Variants in KAZN observed in about 807,000 individuals in gnomAD.
KAZN encodes the protein kazrin.
KAZN carries 40 observed loss-of-function variants against 87.4 expected under a neutral mutation model. That is an observed-to-expected ratio of 0.46 (90% CI 0.36 to 0.60). KAZN has a LOEUF of 0.60. Ranked by LOEUF, KAZN falls within the 20% of genes least tolerant of loss-of-function variation. The probability of loss-of-function intolerance (pLI) is 0.00; values close to 1 mark genes in which losing one functional copy is unlikely to be tolerated. For synonymous variants in KAZN, 466 were observed against 458.3 expected, an observed-to-expected ratio of 1.02 and a Z score of -0.22; for missense variants, 898 against 1,073.9, an observed-to-expected ratio of 0.84 and a Z score of 2.29.
chr1:14,218,950 C>T (rs1335697414), intron 2 of KAZN, among the ~76,000 whole-genome samples: 2 of 152,052 alleles, frequency 1.3e-5, no homozygotes, highest in Non-Finnish European at 2.9e-5. Flanking sequence ...CATCACATGG[C>T]TGTGATAGAA....
chr1:14,378,670 G>A (rs1156741674), intron 2 of KAZN, among the ~76,000 whole-genome samples: 1 of 152,212 alleles, frequency 6.6e-6, no homozygotes, highest in Non-Finnish European at 1.5e-5. Flanking sequence ...CTCAGCAGAT[G>A]CCTGCCCGCA....
chr1:14,316,510 A>G (rs1037212548), intron 2 of KAZN, among the ~76,000 whole-genome samples: 1 of 151,782 alleles, frequency 6.6e-6, no homozygotes, highest in Non-Finnish European at 1.5e-5. Flanking sequence ...TTAAAGTTTG[A>G]TTTAATTGAT....
chr1:14,683,560 T>C (rs1190554650), intron 1 of KAZN, among the ~76,000 whole-genome samples: 1 of 152,198 alleles, frequency 6.6e-6, no homozygotes, highest in East Asian at 1.9e-4. Context: ...CTGAATGCAG[T>C]CAATGAATAA....
At chr1:14,958,496 T>A (rs1455440133) in intron 1 of KAZN, among the ~76,000 whole-genome samples, 1 of 151,754 alleles carries the variant, frequency 6.6e-6, no homozygotes, top group Non-Finnish European at 1.5e-5. Context: ...ATGGAGCACT[T>A]CCTTTATGAG....
chr1:14,670,515 A>C (rs900430363), intron 1 of KAZN, among the ~76,000 whole-genome samples: 7 of 152,206 alleles, frequency 4.6e-5, no homozygotes, highest in African/African-American at 1.7e-4. Flanking sequence ...GATAGTATGC[A>C]TCAGAGTTAC....
intron 2 of KAZN, among the ~76,000 whole-genome samples, chr1:14,501,778 G>A (rs537690026): frequency 6.6e-6 from 1 of 152,268 alleles, no homozygotes; most frequent in East Asian, 1.9e-4. Flanking sequence ...ATCAATCTAA[G>A]CAATGGAAGA....
At chr1:14,748,402 G>A (rs1201351875) in intron 1 of KAZN, among the ~76,000 whole-genome samples, 2 of 152,294 alleles carry the variant, frequency 1.3e-5, no homozygotes, top group East Asian at 3.9e-4. Context: ...CCTGGGTTAA[G>A]CCACTCACTA....
At chr1:14,248,228 A>T (rs1450831266) in intron 2 of KAZN, among the ~76,000 whole-genome samples, 1 of 152,240 alleles carries the variant, frequency 6.6e-6, no homozygotes, top group Middle Eastern at 3.2e-3. Flanking sequence ...AATTCCAGAC[A>T]GGAGACATGG....
intron 1 of KAZN, among the ~76,000 whole-genome samples, chr1:14,001,061 C>T (rs1183234947): frequency 6.6e-6 from 1 of 152,048 alleles, no homozygotes; most frequent in African/African-American, 2.4e-5. Flanking sequence ...GGATTACAGG[C>T]GTGAGCCACC....
intron 1 of KAZN, among the ~76,000 whole-genome samples, chr1:14,106,553 A>G (rs985842493): frequency 5.3e-5 from 8 of 152,054 alleles, no homozygotes; most frequent in African/African-American, 1.4e-4. Context: ...TCAGCTCCCA[A>G]GTGGCCTCTT....
intron 1 of KAZN, among the ~76,000 whole-genome samples, chr1:14,695,332 C>G (rs1641534451): frequency 6.6e-6 from 1 of 151,954 alleles, no homozygotes; most frequent in South Asian, 2.1e-4. Context: ...TTAAAATTGT[C>G]TCAGGAGTTA....
At chr1:14,334,916 G>A (rs1041547706) in intron 2 of KAZN, among the ~76,000 whole-genome samples, 2 of 151,936 alleles carry the variant, frequency 1.3e-5, no homozygotes, top group African/African-American at 4.9e-5. Context: ...GAGAGAAATA[G>A]AGAGGAAGAC....
At chr1:14,691,027 A>G (rs182170718) in intron 1 of KAZN, among the ~76,000 whole-genome samples, 1 of 152,318 alleles carries the variant, frequency 6.6e-6, no homozygotes, top group Admixed American at 6.5e-5. Flanking sequence ...TATAGAGATA[A>G]TTATGTGGCA....
At chr1:14,871,928 G>A (rs1476755945) in intron 1 of KAZN, among the ~76,000 whole-genome samples, 1 of 152,062 alleles carries the variant, frequency 6.6e-6, no homozygotes, top group Admixed American at 6.6e-5. Context: ...GAAATCAGGA[G>A]CTCAGTCTGG....
At position 14,388,781 on chromosome 1, in the gene KAZN, T is replaced by G. The variant is rs550265048; in HGVS notation, c.249+208189T>G. ...ACATTAGGGAAACTCTCCAGGACATTGGACTGGGCAAAGATTTCTTGAGTA... is the reference window on the plus strand; with the variant it reads ...ACATTAGGGAAACTCTCCAGGACATGGGACTGGGCAAAGATTTCTTGAGTA... On this transcript the variant is annotated intron_variant, in intron 2 of 16. Coordinates refer to the KAZN transcript ENST00000636203. 1.2e-3 allele frequency among the ~76,000 whole-genome samples: 187 copies of G among 152,262 alleles called. 1 individual carries two copies. Among genetic ancestry groups the G allele is most frequent in the African/African-American group, 4.0e-3 (167 of 41,554 alleles).
chr1:14,821,532 G>A (rs1431962801), intron 1 of KAZN, among the ~76,000 whole-genome samples: 9 of 151,600 alleles, frequency 5.9e-5, no homozygotes, highest in Admixed American at 5.9e-4. Context: ...AAAAAAAGAG[G>A]TAATTACAGT....
At chr1:14,202,972 G>A (rs978906611) in intron 2 of KAZN, among the ~76,000 whole-genome samples, 1 of 151,994 alleles carries the variant, frequency 6.6e-6, no homozygotes, top group East Asian at 1.9e-4. Context: ...AGCCGAGATC[G>A]CACCACTGCA....
chr1:14,940,079 A>G (rs1660879999), intron 1 of KAZN, among the ~76,000 whole-genome samples: 1 of 152,184 alleles, frequency 6.6e-6, no homozygotes, highest in South Asian at 2.1e-4. Context: ...TTGGCAGGCC[A>G]TGGATCAGGT....
intron 1 of KAZN, among the ~76,000 whole-genome samples, chr1:14,955,863 CT>C (rs1429300315): frequency 6.6e-6 from 1 of 152,230 alleles, no homozygotes; most frequent in Admixed American, 6.5e-5. Context: ...GCCTGCTCCC[CT>C]GGTTGCCCCA....
Sources: gnomAD v4.1 joint callset for allele counts (sites outside exome capture counted in the v4.1 genomes callset) on GRCh38, gnomAD v4.1.1 for gene constraint, MANE v1.5 for transcripts, NCBI Gene and HGNC (gene_info 2026-07-23, HGNC 2026-07-21) for gene names.